CPD: variants seen among roughly 807,000 people sequenced by gnomAD.
The protein encoded by CPD is carboxypeptidase D.
In CPD, 69 loss-of-function variants were observed where a neutral mutation model predicts 138.3. The ratio of observed to expected loss-of-function variants is 0.50; its 90% CI spans 0.41 to 0.61. CPD has a LOEUF of 0.61. Among genes scored for constraint, CPD ranks in the 20% least tolerant of loss-of-function variants. The pLI is 0.00. For synonymous variants in CPD, 651 were observed against 642.1 expected, an observed-to-expected ratio of 1.01 and a Z score of -0.21; for missense variants, 1,432 against 1,733.3, an observed-to-expected ratio of 0.83 and a Z score of 3.09.
rs1567875077 is a variant in CPD, at chr17:30,423,499, T to C, written c.1658-7T>C. 1 of 1,520,986 alleles carries C rather than the reference T, an allele frequency of 6.6e-7. No homozygotes were observed. The highest frequency in any genetic ancestry group is 8.8e-7 in the Non-Finnish European group (1 of 1,134,692). 94.2% of individuals were successfully genotyped at this position (1,520,986 alleles called of 1,614,324 possible). A position where few individuals can be genotyped will look rare whatever the true frequency, so the allele number is the denominator to read the frequency against. On this transcript the variant is annotated splice_polypyrimidine_tract_variant and splice_region_variant and intron_variant, in intron 5 of 20. Transcript: ENST00000225719. ...AAAAGCCTTCCATGTAATTATTTTG[T>C]TTTCAGGTGAACCAGAATTTAAGTA...
At position 30,423,516 on chromosome 17, in the gene CPD, A is replaced by G; in HGVS notation, c.1668A>G (p.Glu556=). The change falls in exon 6 of 21, where the codon GAA becomes GAG. Residue 556 remains glutamate, a synonymous_variant. Coordinates refer to ENST00000225719, the MANE Select transcript of CPD (RefSeq NM_001304.5). ...TTATTTTGTTTTCAGGTGAACCAGA[A>G]TTTAAGTACATTGGAAATATGCATG... ...NPGVHEPGEP[E]FKYIGNMHGN... 6.4e-7 allele frequency: 1 copy of G among 1,562,660 alleles called. No individual in the cohort carries two copies. Among genetic ancestry groups the G allele is most frequent in the East Asian group, 2.3e-5 (1 of 42,806 alleles).
intron 2 of CPD, among the ~76,000 whole-genome samples, chr17:30,416,489 C>T (rs1467505129): frequency 6.6e-6 from 1 of 152,192 alleles, no homozygotes; most frequent in Non-Finnish European, 1.5e-5. Flanking sequence ...GTGGTTCCTA[C>T]TGCACTTAGA....
Position 30,464,879 on chromosome 17 carries a change from C to A in CPD, c.*65C>A. On this transcript the variant is annotated 3_prime_UTR_variant, in exon 21 of 21. Coordinates refer to ENST00000225719, the MANE Select transcript of CPD (RefSeq NM_001304.5). The stretch of plus-strand genomic sequence containing the variant: ...AAAATTACAGTTCCTCTTGGGAGAA[C>A]ACTGCATTAAGAAGAGAGACTCTCT... 1 of 1,245,688 alleles carries A rather than the reference C, an allele frequency of 8.0e-7. No individual in the cohort carries two copies. Among genetic ancestry groups the A allele is most frequent in the Non-Finnish European group, 1.2e-6 (1 of 853,396 alleles). The allele number at this position is 1,245,688 out of a possible 1,614,324, so 77.2% of individuals were successfully genotyped here. A position where few individuals can be genotyped will look rare whatever the true frequency, so the allele number is the denominator to read the frequency against.
intron 7 of CPD, among the ~76,000 whole-genome samples, chr17:30,428,788 A>G (rs1245702752): frequency 6.6e-6 from 1 of 152,070 alleles, no homozygotes; most frequent in Non-Finnish European, 1.5e-5. Flanking sequence ...AATGTTCTAT[A>G]ACTGGATAGT....
chr17:30,410,106 C>T (rs548972069), intron 2 of CPD, among the ~76,000 whole-genome samples: 19 of 152,110 alleles, frequency 1.2e-4, no homozygotes, highest in Non-Finnish European at 2.2e-4. Context: ...GCCTTCATTT[C>T]GTTATTTATC....
chr17:30,465,686 G>A lies in CPD; in HGVS notation c.*872G>A, dbSNP rs1433061904. On this transcript the variant is annotated 3_prime_UTR_variant, in exon 21 of 21. Coordinates refer to ENST00000225719, the MANE Select transcript of CPD (RefSeq NM_001304.5). ...TGATTCTTTAATATTGCCTAAATCG[G>A]AACCTTTTTCTATGTTGCACACATG... The A allele has an allele frequency of 6.6e-6, 1 of 152,562 alleles. No individual in the cohort carries two copies. The highest frequency in any genetic ancestry group is 2.4e-5 in the African/African-American group (1 of 41,418). The allele number at this position is 152,562 out of a possible 1,614,324, so 9.5% of individuals were successfully genotyped here. A position where few individuals can be genotyped will look rare whatever the true frequency, so the allele number is the denominator to read the frequency against.
At chr17:30,391,748 A>G (rs1351544093) in intron 2 of CPD, among the ~76,000 whole-genome samples, 1 of 152,118 alleles carries the variant, frequency 6.6e-6, no homozygotes, top group Non-Finnish European at 1.5e-5. Flanking sequence ...ATTAAGATAA[A>G]TACTATCTAC....
chr17:30,461,670 G>A (rs1231924097), intron 18 of CPD, among the ~76,000 whole-genome samples: 1 of 152,136 alleles, frequency 6.6e-6, no homozygotes, highest in Non-Finnish European at 1.5e-5. Flanking sequence ...CCAGCTCTGT[G>A]AGCCTGAATA....
At chr17:30,427,660 T>C in intron 7 of CPD, 102 bp downstream of exon 7, 1 of 1,045,330 alleles carries the variant, frequency 9.6e-7, no homozygotes, top group Non-Finnish European at 1.4e-6. Context: ...TTAAAATGAG[T>C]ATCCTGTTAC....
chr17:30,386,428 C>CATATATATATATATATATATATATAT (rs1206719489), intron 2 of CPD, among the ~76,000 whole-genome samples: 14 of 152,098 alleles, frequency 9.2e-5, no homozygotes, highest in African/African-American at 3.4e-4. Context: ...TGTGGTAAAA[C>CATATATATATATATATATATATATAT]ATACATATAT....
intron 2 of CPD, among the ~76,000 whole-genome samples, chr17:30,393,926 A>T (rs143130897): frequency 3.9e-5 from 6 of 152,230 alleles, no homozygotes; most frequent in African/African-American, 1.4e-4. Context: ...GGATTGCTTG[A>T]GGCCAGGAGT....
intron 2 of CPD, among the ~76,000 whole-genome samples, chr17:30,418,987 T>C (rs1336044753): frequency 6.6e-6 from 1 of 152,202 alleles, no homozygotes; most frequent in Non-Finnish European, 1.5e-5. Context: ...CTTTTTTGTC[T>C]TACCAATATC....
At chr17:30,444,029 G>A in intron 11 of CPD, 58 bp downstream of exon 11, 2 of 1,569,562 alleles carry the variant, frequency 1.3e-6, no homozygotes, top group Non-Finnish European at 1.7e-6. Context: ...GCTCCATTCT[G>A]GAGGATTATT....
chr17:30,431,138 T>C (rs144726522), intron 7 of CPD, among the ~76,000 whole-genome samples: 42 of 152,362 alleles, frequency 2.8e-4, no homozygotes, highest in African/African-American at 9.1e-4. Flanking sequence ...TTATTTTCTA[T>C]TTTTATTATT....
intron 17 of CPD, among the ~76,000 whole-genome samples, chr17:30,458,566 T>C (rs1913362502): frequency 6.6e-6 from 1 of 152,176 alleles, no homozygotes; most frequent in Non-Finnish European, 1.5e-5. Flanking sequence ...TCCTTGTGTT[T>C]TCTTTGAAGA....
chr17:30,431,922 C>A (rs746496191), intron 8 of CPD, 41 bp downstream of exon 8: 2 of 1,339,288 alleles, frequency 1.5e-6, no homozygotes, highest in South Asian at 2.5e-5. Context: ...AAAATTAATT[C>A]TTTTATTTAA....
At chr17:30,411,790 C>T (rs958310534) in intron 2 of CPD, among the ~76,000 whole-genome samples, 4 of 152,286 alleles carry the variant, frequency 2.6e-5, no homozygotes, top group East Asian at 1.9e-4. Context: ...AGCTTCCTTG[C>T]GATGGGTTAG....
In CPD at chr17:30,465,123, T is replaced by C. The variant is rs1913601254; in HGVS notation, c.*309T>C. On this transcript the variant is annotated 3_prime_UTR_variant, in exon 21 of 21. Transcript: ENST00000225719. ...GCATAAAGCCAACTAGAGGATGTTG[T>C]ATTTTGCACATCAGATGTTTACTAG... 3.4e-6 allele frequency: 1 copy of C among 290,416 alleles called. No homozygotes were observed. Among genetic ancestry groups the C allele is most frequent in the African/African-American group, 2.2e-5 (1 of 45,796 alleles). The allele number at this position is 290,416 out of a possible 1,614,324, so 18.0% of individuals were successfully genotyped here. A position where few individuals can be genotyped will look rare whatever the true frequency, so the allele number is the denominator to read the frequency against.
At position 30,466,530 on chromosome 17, in the gene CPD, A is replaced by G. The variant is rs1913643178; in HGVS notation, c.*1716A>G. ...AACTGTAAATTCTGCCACCTCATAC[A>G]TGGAACAGAGCTTGTGGGATGCTAA... On this transcript the variant is annotated 3_prime_UTR_variant, in exon 21 of 21. Transcript: ENST00000225719. 2.0e-5 allele frequency: 3 copies of G among 152,640 alleles called. No individual in the cohort carries two copies. The highest frequency in any genetic ancestry group is 2.4e-5 in the African/African-American group (1 of 41,460). The allele number at this position is 152,640 out of a possible 1,614,324, so 9.5% of individuals were successfully genotyped here.
Sources: gnomAD v4.1 joint callset for allele counts (sites outside exome capture counted in the v4.1 genomes callset) on GRCh38, gnomAD v4.1.1 for gene constraint, MANE v1.5 for transcripts, NCBI Gene and HGNC (gene_info 2026-07-23, HGNC 2026-07-21) for gene names.